Variants in ROR1 observed in about 807,000 individuals in gnomAD.
The protein encoded by ROR1 is ROR family WNT receptor 1.
Under a neutral mutation model 78.8 loss-of-function variants are expected in ROR1, and 19 were observed. That is an observed-to-expected ratio of 0.24 (90% CI 0.17 to 0.35). ROR1 has a LOEUF of 0.35. ROR1 is among the 10% of genes least tolerant of loss of function. The pLI is 1.00. For synonymous variants in ROR1, 386 were observed against 433.6 expected (o/e 0.89, Z 1.36); for missense variants, 917 against 1,177.8 (o/e 0.78, Z 3.24).
At chr1:63,845,430 A>G (rs1203131694) in intron 1 of ROR1, among the ~76,000 whole-genome samples, 1 of 152,224 alleles carries the variant, frequency 6.6e-6, no homozygotes, top group Non-Finnish European at 1.5e-5. Context: ...TAACTACTAT[A>G]CAATAGTATT....
chr1:64,019,053 TCTC>T (rs1233966607), intron 2 of ROR1, among the ~76,000 whole-genome samples: 3 of 152,188 alleles, frequency 2.0e-5, no homozygotes, highest in Non-Finnish European at 2.9e-5. Context: ...CTGGGTCTGT[TCTC>T]CTCCTCCCCT....
intron 4 of ROR1, among the ~76,000 whole-genome samples, chr1:64,092,271 G>C (rs1647205746): frequency 6.6e-6 from 1 of 152,156 alleles, no homozygotes; most frequent in South Asian, 2.1e-4. Context: ...GGTGACCGCA[G>C]GTGGTTTCAA....
intron 8 of ROR1, among the ~76,000 whole-genome samples, chr1:64,161,815 C>CT (rs34343244): frequency 1.3e-5 from 2 of 151,284 alleles, no homozygotes; most frequent in Non-Finnish European, 2.9e-5. Flanking sequence ...CAAATGCTAA[C>CT]TTTTTTTTTT....
At chr1:64,167,824 T>C (rs1650126378) in intron 8 of ROR1, among the ~76,000 whole-genome samples, 1 of 152,156 alleles carries the variant, frequency 6.6e-6, no homozygotes, top group Non-Finnish European at 1.5e-5. Flanking sequence ...ATCAACGGAG[T>C]GAGGTCTAAC....
chr1:64,029,473 A>G (rs944107927), intron 2 of ROR1, among the ~76,000 whole-genome samples: 12 of 152,206 alleles, frequency 7.9e-5, no homozygotes, highest in African/African-American at 2.9e-4. Flanking sequence ...TAGGGCTGCC[A>G]TAACAAAGTA....
intron 1 of ROR1, among the ~76,000 whole-genome samples, chr1:63,979,654 C>A (rs1473149955): frequency 6.6e-6 from 1 of 152,034 alleles, no homozygotes; most frequent in African/African-American, 2.4e-5. Context: ...AGCCAGTGGG[C>A]ATGGGGCTCT....
At chr1:64,034,864 A>C (rs1353349831) in intron 2 of ROR1, among the ~76,000 whole-genome samples, 2 of 152,228 alleles carry the variant, frequency 1.3e-5, no homozygotes, top group African/African-American at 4.8e-5. Context: ...GTGATGGTCA[A>C]AATGTCAAAA....
chr1:63,987,129 A>G (rs1440744363), intron 1 of ROR1, among the ~76,000 whole-genome samples: 1 of 152,108 alleles, frequency 6.6e-6, no homozygotes, highest in South Asian at 2.1e-4. Flanking sequence ...TGTCACACAG[A>G]TCCAAGCAAT....
At chr1:63,947,087 G>A (rs1469748625) in intron 1 of ROR1, among the ~76,000 whole-genome samples, 1 of 152,112 alleles carries the variant, frequency 6.6e-6, no homozygotes, top group African/African-American at 2.4e-5. Flanking sequence ...GGGATTCAGG[G>A]AGTCCTCTCT....
intron 8 of ROR1, among the ~76,000 whole-genome samples, chr1:64,162,733 C>G (rs1310475571): frequency 2.0e-5 from 3 of 152,212 alleles, no homozygotes; most frequent in Non-Finnish European, 4.4e-5. Context: ...GTTGCCTAAA[C>G]TAAGCAGGAT....
In ROR1 at chr1:63,998,963, C is replaced by G. The variant is rs981526862; in HGVS notation, c.92-10342C>G. 2.0e-5 allele frequency among the ~76,000 whole-genome samples: 3 copies of G among 152,222 alleles called. No individual in the cohort carries two copies. The East Asian group carries it at 5.8e-4, about 29-fold the overall frequency. On this transcript the variant is annotated intron_variant, in intron 1 of 8. Coordinates refer to ENST00000371079, the MANE Select transcript of ROR1 (RefSeq NM_005012.4). ...AAGGGATTTCCACTTTTGCTTCTCT[C>G]TCATCCTCTCTTGCCAACGCCATAC...
chr1:63,813,432 A>G (rs755355461), intron 1 of ROR1, among the ~76,000 whole-genome samples: 1 of 152,236 alleles, frequency 6.6e-6, no homozygotes, highest in Non-Finnish European at 1.5e-5. Flanking sequence ...ACCTTCTAGC[A>G]TTTCACACAT....
At chr1:64,051,614 T>C (rs1205115948) in intron 4 of ROR1, among the ~76,000 whole-genome samples, 1 of 152,174 alleles carries the variant, frequency 6.6e-6, no homozygotes, top group Non-Finnish European at 1.5e-5. Context: ...AGGTCCAATT[T>C]CTTTCACTAA....
chr1:64,085,829 G>A (rs1312925802), intron 4 of ROR1, among the ~76,000 whole-genome samples: 1 of 152,114 alleles, frequency 6.6e-6, no homozygotes, highest in Non-Finnish European at 1.5e-5. Context: ...TCAGCAGCCT[G>A]CTTGGCCATA....
chr1:63,990,885 G>A (rs1376416602), intron 1 of ROR1, among the ~76,000 whole-genome samples: 1 of 152,000 alleles, frequency 6.6e-6, no homozygotes, highest in African/African-American at 2.4e-5. Flanking sequence ...CTAATATAAG[G>A]CACTATTATA....
chr1:63,832,944 A>G (rs754780167), intron 1 of ROR1, among the ~76,000 whole-genome samples: 4 of 152,114 alleles, frequency 2.6e-5, no homozygotes, highest in Non-Finnish European at 5.9e-5. Context: ...CTTTCTGTCC[A>G]TTTTCTGATA....
chr1:64,172,646 G>A (rs958414125), intron 8 of ROR1, among the ~76,000 whole-genome samples: 2 of 152,106 alleles, frequency 1.3e-5, no homozygotes, highest in East Asian at 3.9e-4. Flanking sequence ...TGCCTCATGT[G>A]TATTTTACAC....
intron 1 of ROR1, among the ~76,000 whole-genome samples, chr1:63,896,875 G>A (rs929897850): frequency 2.6e-5 from 4 of 152,126 alleles, no homozygotes; most frequent in African/African-American, 9.7e-5. Flanking sequence ...TTCGAGTTCT[G>A]ACTCTCTATT....
At chr1:64,004,166 C>A (rs527830628) in intron 1 of ROR1, among the ~76,000 whole-genome samples, 2 of 152,288 alleles carry the variant, frequency 1.3e-5, no homozygotes, top group South Asian at 4.1e-4. Flanking sequence ...GTGATTTTGG[C>A]GAAGCCACTT....
Sources: allele counts gnomAD v4.1 joint callset (sites outside exome capture counted in the v4.1 genomes callset), GRCh38; gene constraint gnomAD v4.1.1; transcripts MANE v1.5; gene names NCBI Gene and HGNC (gene_info 2026-07-23, HGNC 2026-07-21).